The following PLXNC1 variants were observed in gnomAD, a reference collection of about 807,000 sequenced individuals.
The protein encoded by PLXNC1 is plexin-C1.
PLXNC1 carries 75 observed loss-of-function variants against 178.2 expected under a neutral mutation model. The ratio of observed to expected loss-of-function variants is 0.42; its 90% CI spans 0.35 to 0.51. The LOEUF (loss-of-function observed/expected upper bound fraction) is 0.51, where lower values mean the gene tolerates loss of function less well. Among genes scored for constraint, PLXNC1 ranks in the 20% least tolerant of loss-of-function variants. PLXNC1 has a pLI of 0.02. For missense variants in PLXNC1, 1,503 were observed against 1,984.4 expected (o/e 0.76, Z 4.61); for synonymous variants, 790 against 779.9 (o/e 1.01, Z -0.22).
intron 2 of PLXNC1, among the ~76,000 whole-genome samples, chr12:94,177,570 G>C (rs1201579950): frequency 7.0e-6 from 1 of 142,082 alleles, no homozygotes; most frequent in African/African-American, 2.6e-5. Flanking sequence ...AGAGAGAGAG[G>C]TAAGGAAGGA....
intron 3 of PLXNC1, among the ~76,000 whole-genome samples, chr12:94,184,126 T>TC (rs1352056399): frequency 5.8e-4 from 2 of 3,452 alleles, no homozygotes; most frequent in Non-Finnish European, 1.6e-3. Flanking sequence ...TCTCTCTCTC[T>TC]TTTTTTTTTT....
chr12:94,253,581 A>G (rs1271595574), intron 15 of PLXNC1, among the ~76,000 whole-genome samples: 2 of 152,202 alleles, frequency 1.3e-5, no homozygotes, highest in Admixed American at 6.5e-5. Flanking sequence ...TGCACAATGC[A>G]TGTTATTAAG....
intron 5 of PLXNC1, among the ~76,000 whole-genome samples, chr12:94,211,997 G>A (rs1344596073): frequency 6.6e-6 from 1 of 152,158 alleles, no homozygotes; most frequent in Non-Finnish European, 1.5e-5. Context: ...AAAGACGGCC[G>A]GGCGCGGTGG....
At chr12:94,236,850 G>T (rs1291903406) in intron 9 of PLXNC1, among the ~76,000 whole-genome samples, 1 of 152,132 alleles carries the variant, frequency 6.6e-6, no homozygotes, top group African/African-American at 2.4e-5. Context: ...AAAAGTGAAA[G>T]AACTCAGGAT....
intron 21 of PLXNC1, among the ~76,000 whole-genome samples, chr12:94,271,029 C>T (rs545227062): frequency 2.6e-5 from 4 of 152,318 alleles, no homozygotes; most frequent in Non-Finnish European, 4.4e-5. Context: ...GCACTTCTAA[C>T]TGGCCTCATG....
intron 20 of PLXNC1, among the ~76,000 whole-genome samples, chr12:94,261,146 G>A (rs1390317371): frequency 1.6e-5 from 2 of 124,906 alleles, no homozygotes; most frequent in Non-Finnish European, 3.3e-5. Flanking sequence ...ACTGAGAAAA[G>A]GGAATATTTC....
chr12:94,192,074 G>A (rs1962746625), intron 4 of PLXNC1, among the ~76,000 whole-genome samples: 2 of 152,198 alleles, frequency 1.3e-5, no homozygotes, highest in South Asian at 4.1e-4. Context: ...TGTTTGGCAT[G>A]CAGAATGCAT....
At chr12:94,174,016 A>T (rs142574340) in intron 2 of PLXNC1, among the ~76,000 whole-genome samples, 27 of 145,112 alleles carry the variant, frequency 1.9e-4, no homozygotes, top group African/African-American at 6.7e-4. Flanking sequence ...AGTAAAGACT[A>T]GTGTCTCCCC....
chr12:94,189,252 G>A (rs1317189161), intron 4 of PLXNC1, among the ~76,000 whole-genome samples: 1 of 152,194 alleles, frequency 6.6e-6, no homozygotes, highest in Non-Finnish European at 1.5e-5. Flanking sequence ...TGTAAGGAAT[G>A]GATGATGATA....
intron 21 of PLXNC1, among the ~76,000 whole-genome samples, chr12:94,273,182 T>A (rs1157573329): frequency 6.6e-6 from 1 of 152,252 alleles, no homozygotes; most frequent in East Asian, 1.9e-4. Flanking sequence ...AAGCACTCAA[T>A]AAATGCTGGT....
intron 14 of PLXNC1, among the ~76,000 whole-genome samples, chr12:94,250,751 G>T (rs1184288016): frequency 6.6e-6 from 1 of 152,190 alleles, no homozygotes; most frequent in Non-Finnish European, 1.5e-5. Flanking sequence ...AGGTACAGTG[G>T]CTCACACCTG....
chr12:94,184,151 C>T (rs1489140006), intron 3 of PLXNC1, among the ~76,000 whole-genome samples: 4 of 148,978 alleles, frequency 2.7e-5, no homozygotes, highest in African/African-American at 9.9e-5. Context: ...GAGTCTTGCT[C>T]TGTCACCCAG....
chr12:94,279,836 T>A (rs1565853548), intron 22 of PLXNC1, 187 bp downstream of exon 22: 1 of 703,382 alleles, frequency 1.4e-6, no homozygotes, highest in Non-Finnish European at 2.6e-6. Flanking sequence ...GGCATCCTGA[T>A]TCTTCGAAGG....
chr12:94,290,422 G>A (rs867164179), intron 23 of PLXNC1, among the ~76,000 whole-genome samples: 1 of 152,262 alleles, frequency 6.6e-6, no homozygotes, highest in Admixed American at 6.5e-5. Context: ...CTCGTTAATA[G>A]GAGCAGAGTC....
At chr12:94,248,164 T>A in intron 13 of PLXNC1, 58 bp downstream of exon 13, 1 of 1,595,162 alleles carries the variant, frequency 6.3e-7, no homozygotes, top group South Asian at 1.1e-5. Flanking sequence ...TGGAAAGGTG[T>A]GTTTATGCTC....
At chr12:94,237,547 C>A in intron 9 of PLXNC1, 117 bp from the exon 10 acceptor site, 2 of 803,698 alleles carry the variant, frequency 2.5e-6, no homozygotes, top group South Asian at 1.8e-5. Flanking sequence ...TGCTTGTGTT[C>A]GCAAAATGTT....
At chr12:94,234,625 A>C (rs1270749223) in intron 9 of PLXNC1, among the ~76,000 whole-genome samples, 1 of 152,244 alleles carries the variant, frequency 6.6e-6, no homozygotes, top group Non-Finnish European at 1.5e-5. Flanking sequence ...GGTTATAGTC[A>C]ACGGTATTTT....
chr12:94,178,571 C>T (rs1962188399), intron 2 of PLXNC1, among the ~76,000 whole-genome samples: 1 of 152,190 alleles, frequency 6.6e-6, no homozygotes, highest in Admixed American at 6.5e-5. Context: ...GACGGCAAAT[C>T]CTGGCAAGCC....
intron 4 of PLXNC1, among the ~76,000 whole-genome samples, chr12:94,209,169 T>C (rs1055009045): frequency 2.6e-4 from 40 of 152,258 alleles, no homozygotes; most frequent in Non-Finnish European, 2.4e-4. Context: ...AATAGGTTGA[T>C]ATTCTGAGAA....
Sources: gnomAD v4.1 joint callset for allele counts (sites outside exome capture counted in the v4.1 genomes callset) on GRCh38, gnomAD v4.1.1 for gene constraint, MANE v1.5 for transcripts, NCBI Gene and HGNC (gene_info 2026-07-23, HGNC 2026-07-21) for gene names.